Variants in PSMA2 observed in about 807,000 individuals in gnomAD.
PSMA2 encodes proteasome subunit alpha type-2.
PSMA2 carries 2 observed loss-of-function variants against 35.9 expected under a neutral mutation model. The observed-to-expected ratio is 0.06, with a 90% confidence interval of 0.02 to 0.18. PSMA2 has a LOEUF of 0.18. PSMA2 is among the 10% of genes least tolerant of loss of function. The probability of loss-of-function intolerance (pLI) is 1.00; values close to 1 mark genes in which losing one functional copy is unlikely to be tolerated. For synonymous variants in PSMA2, 97 were observed against 98.2 expected (o/e 0.99, Z 0.07); for missense variants, 126 against 278.8 (o/e 0.45, Z 3.90).
At chr7:42,917,713 G>A (rs1295221134) in intron 7 of PSMA2, 23 bp from the exon 8 acceptor site, 3 of 1,611,176 alleles carry the variant, frequency 1.9e-6, no homozygotes, top group East Asian at 2.2e-5. Flanking sequence ...GAGGAAAAAA[G>A]GTCAATTTTC....
Position 42,932,155 on chromosome 7 carries a change from C to T in PSMA2, c.4G>A (p.Ala2Thr), listed in dbSNP as rs764325302. 4 of 1,614,046 alleles carry T rather than the reference C, an allele frequency of 2.5e-6. No homozygotes were observed. The highest frequency in any genetic ancestry group is 1.3e-5 in the African/African-American group (1 of 74,942). Residue 2 changes from alanine (A) to threonine (T), a missense_variant, in exon 1 of 8, where the codon GCG becomes ACG. Transcript: ENST00000223321. The part of the protein sequence containing the change: M[A>T]ERGYSFSLTT... ...AGCGAAAAGCTGTACCCGCGCTCCG[C>T]CATCTTTACCCGAAGAGCCAAAGCA...
chr7:42,929,906 T>C (rs950919026), intron 1 of PSMA2, among the ~76,000 whole-genome samples: 3 of 152,194 alleles, frequency 2.0e-5, no homozygotes, highest in Non-Finnish European at 4.4e-5. Flanking sequence ...AATAGCTGGT[T>C]ACTTTTAATC....
At chr7:42,931,989 G>T in intron 1 of PSMA2, 129 bp downstream of exon 1, 1 of 1,246,358 alleles carries the variant, frequency 8.0e-7, no homozygotes, top group Non-Finnish European at 1.2e-6. Flanking sequence ...TTGCAAAGCC[G>T]CATTTCCAAC....
intron 1 of PSMA2, 151 bp from the exon 2 acceptor site, chr7:42,927,610 G>T (rs1786233307): frequency 1.4e-6 from 1 of 709,084 alleles, no homozygotes; most frequent in Non-Finnish European, 2.4e-6. Flanking sequence ...AAGTGGCACA[G>T]AAACCAAGTT....
At chr7:42,929,665 T>C (rs142374845) in intron 1 of PSMA2, among the ~76,000 whole-genome samples, 152 of 152,286 alleles carry the variant, frequency 1.0e-3, no homozygotes, top group Admixed American at 1.7e-3. Flanking sequence ...CTTTGGACCA[T>C]GTCACCTACA....
chr7:42,919,584 A>G (rs1786091740), intron 6 of PSMA2: 1 of 528,628 alleles, frequency 1.9e-6, no homozygotes, highest in Non-Finnish European at 3.7e-6. Context: ...TGAAATCTCT[A>G]AATTTTATTA....
intron 6 of PSMA2, chr7:42,921,617 C>T (rs974566169): frequency 5.8e-6 from 2 of 342,374 alleles, no homozygotes; most frequent in Non-Finnish European, 1.0e-5. Context: ...AAACCAAAAG[C>T]ATTTAGGAAA....
chr7:42,928,835 C>T (rs1359385750), intron 1 of PSMA2, among the ~76,000 whole-genome samples: 1 of 152,180 alleles, frequency 6.6e-6, no homozygotes, highest in African/African-American at 2.4e-5. Flanking sequence ...AAATGCATTT[C>T]TCTATTGCCC....
chr7:42,925,862 G>A (rs959600218), intron 3 of PSMA2, among the ~76,000 whole-genome samples: 1 of 152,216 alleles, frequency 6.6e-6, no homozygotes, highest in Non-Finnish European at 1.5e-5. Context: ...TCACTGAAGT[G>A]AAACTTTGCC....
intron 1 of PSMA2, chr7:42,931,139 A>C: frequency 2.2e-6 from 1 of 453,714 alleles, no homozygotes; most frequent in Non-Finnish European, 4.4e-6. Flanking sequence ...AGCTGCGGTT[A>C]GTTCATCTGT....
At chr7:42,919,243 A>G in intron 6 of PSMA2, 1 of 621,738 alleles carries the variant, frequency 1.6e-6, no homozygotes. Flanking sequence ...CTGGAATGCA[A>G]CACTGAATAA....
At chr7:42,927,906 C>CA (rs10625370) in intron 1 of PSMA2, among the ~76,000 whole-genome samples, 32,013 of 147,372 alleles carry the variant, frequency 0.22, 4,722 homozygotes, top group African/African-American at 0.42. Flanking sequence ...AACCTCGTCT[C>CA]AAAAAAAAAA....
At chr7:42,924,629 TC>T (rs1370743288) in intron 4 of PSMA2, 45 bp downstream of exon 4, 1 of 1,573,876 alleles carries the variant, frequency 6.4e-7, no homozygotes, top group East Asian at 2.3e-5. Flanking sequence ...TAAAATAACT[TC>T]CCCCTACAAT....
intron 6 of PSMA2, chr7:42,920,556 C>G (rs1338074170): frequency 6.6e-6 from 1 of 152,042 alleles, no homozygotes; most frequent in African/African-American, 2.4e-5. Flanking sequence ...TTCTGAACAT[C>G]TAATTATTTT....
intron 3 of PSMA2, 83 bp from the exon 4 acceptor site, chr7:42,924,880 T>G: frequency 7.4e-7 from 1 of 1,358,214 alleles, no homozygotes; most frequent in South Asian, 1.4e-5. Flanking sequence ...GGCATGTACC[T>G]GCAGCACAAG....
chr7:42,928,073 C>G (rs190946917), intron 1 of PSMA2, among the ~76,000 whole-genome samples: 4 of 152,260 alleles, frequency 2.6e-5, no homozygotes, highest in African/African-American at 4.8e-5. Context: ...CCTGTTTTCT[C>G]ACCTGTAAAA....
intron 1 of PSMA2, among the ~76,000 whole-genome samples, chr7:42,927,764 G>C (rs572972521): frequency 1.2e-4 from 19 of 152,106 alleles, no homozygotes; most frequent in Non-Finnish European, 2.4e-4. Flanking sequence ...AAATTAGCCG[G>C]GTATGGTGGT....
intron 1 of PSMA2, among the ~76,000 whole-genome samples, chr7:42,929,966 A>C (rs1446055847): frequency 1.3e-5 from 2 of 152,162 alleles, no homozygotes; most frequent in Non-Finnish European, 2.9e-5. Context: ...TGATTACTCA[A>C]TCTAAAGTCA....
chr7:42,924,586 G>A (rs1786179035), intron 4 of PSMA2, 89 bp downstream of exon 4: 1 of 1,289,628 alleles, frequency 7.8e-7, no homozygotes, highest in Non-Finnish European at 1.1e-6. Context: ...ATACAGAAAT[G>A]GTAAGTCCCA....
Sources: allele counts gnomAD v4.1 joint callset (sites outside exome capture counted in the v4.1 genomes callset), GRCh38; gene constraint gnomAD v4.1.1; transcripts MANE v1.5; gene names NCBI Gene and HGNC (gene_info 2026-07-23, HGNC 2026-07-21).